The following DDIT4L variants were observed in gnomAD, a reference collection of about 807,000 sequenced individuals.
The protein encoded by DDIT4L is DNA damage inducible transcript 4 like.
A neutral mutation model predicts 15.9 loss-of-function variants in DDIT4L; 13 were observed. The observed-to-expected ratio is 0.82, with a 90% confidence interval of 0.53 to 1.30. DDIT4L has a LOEUF of 1.30. Ranked by LOEUF, DDIT4L falls within the 50% of genes most tolerant of loss-of-function variation. The pLI is 0.00. For synonymous variants in DDIT4L, 82 were observed against 85.4 expected, an observed-to-expected ratio of 0.96 and a Z score of 0.22; for missense variants, 235 against 224.8, an observed-to-expected ratio of 1.05 and a Z score of -0.29.
Position 100,188,102 on chromosome 4 carries a change from T to G in DDIT4L, c.157A>C (p.Thr53Pro). 6.2e-7 allele frequency: 1 copy of G among 1,614,010 alleles called. No homozygotes were observed. The highest frequency in any genetic ancestry group is 8.5e-7 in the Non-Finnish European group (1 of 1,180,034). ...NLNEVIFEES[T>P]CQNLVKMLEN... ...AGCATTTTAACCAAATTCTGGCAAGTTGATTCCTCAAATATTACCTCGTTG... is the reference window on the plus strand; with the variant it reads ...AGCATTTTAACCAAATTCTGGCAAGGTGATTCCTCAAATATTACCTCGTTG... Residue 53 changes from threonine (T) to proline (P), a missense_variant, in exon 3 of 3, where the codon ACT becomes CCT. Thr to Pro is a conservative substitution (Grantham distance 38, BLOSUM62 -1). Transcript: ENST00000273990.
In DDIT4L at chr4:100,189,968, T is replaced by C. The variant is rs759003165; in HGVS notation, c.16A>G (p.Ser6Gly). 6.2e-7 allele frequency: 1 copy of C among 1,614,126 alleles called. No individual in the cohort carries two copies. Among genetic ancestry groups the C allele is most frequent in the East Asian group, 2.2e-5 (1 of 44,860 alleles). The change falls in exon 2 of 3, where the codon AGT (serine) becomes GGT (glycine). Residue 6 changes from serine to glycine, a missense_variant. Ser to Gly is a moderately conservative substitution (Grantham distance 56). Transcript: ENST00000273990. MVATG[S>G]LSSKNPASIS... The stretch of plus-strand genomic sequence containing the variant: ...CTGGCCGGGTTCTTGCTGCTCAAAC[T>C]GCCAGTTGCAACCATGGTCAACGGC...
chr4:100,190,258 GC>G (rs781499322), intron 1 of DDIT4L, 44 bp downstream of exon 1: 186 of 430,412 alleles, frequency 4.3e-4, no homozygotes, highest in Non-Finnish European at 6.9e-4. Context: ...CCCGCGGAGC[GC>G]CCCCCGGCCC....
Position 100,189,774 on chromosome 4 carries a change from A to G in DDIT4L, c.91+119T>C, listed in dbSNP as rs978562233. ...AAAATTTGGAAAGGAGTCTCCTCAGATGGATTTTGTGGCACCTCCTACATA... is the reference window on the plus strand; with the variant it reads ...AAAATTTGGAAAGGAGTCTCCTCAGGTGGATTTTGTGGCACCTCCTACATA... On this transcript the variant is annotated intron_variant, in intron 2 of 2. Transcript: ENST00000273990. The G allele has an allele frequency of 4.6e-6, 4 of 860,334 alleles. No homozygotes were observed. In the Admixed American group the frequency reaches 7.9e-5, roughly 17 times the overall value. 53.3% of individuals were successfully genotyped at this position (860,334 alleles called of 1,614,324 possible).
intron 1 of DDIT4L, 124 bp from the exon 2 acceptor site, chr4:100,190,156 C>T: frequency 1.7e-6 from 1 of 605,248 alleles, no homozygotes; most frequent in East Asian, 2.9e-5. Context: ...AGGGGTGGAA[C>T]CGGCCTCTGC....
intron 2 of DDIT4L, 29 bp from the exon 3 acceptor site, chr4:100,188,196 T>C (rs767380609): frequency 1.3e-6 from 2 of 1,567,548 alleles, no homozygotes; most frequent in Admixed American, 2.1e-5. Flanking sequence ...TCTTTTTAGA[T>C]ACAGAAGAAA....
chr4:100,189,889 T>C lies in DDIT4L; in HGVS notation c.91+4A>G. 4 of 1,613,828 alleles carry C rather than the reference T, an allele frequency of 2.5e-6. No individual in the cohort carries two copies. Among genetic ancestry groups the C allele is most frequent in the Non-Finnish European group, 3.4e-6 (4 of 1,179,884 alleles). On this transcript the variant is annotated splice_donor_region_variant and intron_variant, in intron 2 of 2. Transcript: ENST00000273990. ...GGAGAAGGGTGGACAGCGGGGACACTCACCACTTAGCAGGCTCTCTGGGTG... is the reference window on the plus strand; with the variant it reads ...GGAGAAGGGTGGACAGCGGGGACACCCACCACTTAGCAGGCTCTCTGGGTG...
rs1436421776 is a variant in DDIT4L at position 100,189,998 on chromosome 4, T to C, written c.-15A>G. 2 of 1,613,378 alleles carry C rather than the reference T, an allele frequency of 1.2e-6. No individual in the cohort carries two copies. The highest frequency in any genetic ancestry group is 1.7e-6 in the Non-Finnish European group (2 of 1,179,572). ...GTTGCAACCATGGTCAACGGCTCTGTTTCCTTCGCGAGGCGCAACGGCCTT... is the reference window on the plus strand; with the variant it reads ...GTTGCAACCATGGTCAACGGCTCTGCTTCCTTCGCGAGGCGCAACGGCCTT... On this transcript the variant is annotated 5_prime_UTR_variant, in exon 2 of 3. Transcript: ENST00000273990.
rs1723426407 is a variant in DDIT4L, at chr4:100,186,807, G to A, written c.*870C>T. On this transcript the variant is annotated 3_prime_UTR_variant, in exon 3 of 3. Coordinates refer to ENST00000273990, the MANE Select transcript of DDIT4L (RefSeq NM_145244.4). ...TAAGCACATGTAATACTGAAAAGAGGATAGATTACTAAGTGAATCAGAGAG... is the reference window on the plus strand; with the variant it reads ...TAAGCACATGTAATACTGAAAAGAGAATAGATTACTAAGTGAATCAGAGAG... 1 of 152,118 alleles carries A rather than the reference G, an allele frequency of 6.6e-6. No homozygotes were observed. Among genetic ancestry groups the A allele is most frequent in the Non-Finnish European group, 1.5e-5 (1 of 68,020 alleles). 9.4% of individuals were successfully genotyped at this position (152,118 alleles called of 1,614,324 possible).
Position 100,187,868 on chromosome 4 carries a change from C to G in DDIT4L, c.391G>C (p.Val131Leu). The G allele has an allele frequency of 1.2e-6, 2 of 1,613,606 alleles. No individual in the cohort carries two copies. The highest frequency in any genetic ancestry group is 1.7e-6 in the Non-Finnish European group (2 of 1,179,922). The change falls in exon 3 of 3, where the codon GTA (valine) becomes CTA (leucine). Residue 131 changes from valine to leucine, a missense_variant. Coordinates refer to ENST00000273990, the MANE Select transcript of DDIT4L (RefSeq NM_145244.4). Reference sequence around the variant, plus strand: ...ACAAGTGTAAGCTCAAAAGTAGGTACGACGCTAGAATCACACACAATCCTA... The same window carrying G: ...ACAAGTGTAAGCTCAAAAGTAGGTAGGACGCTAGAATCACACACAATCCTA... ...LDRIVCDSSV[V>L]PTFELTLVFK...
At chr4:100,190,055 AGAC>A in intron 1 of DDIT4L, 23 bp from the exon 2 acceptor site, 1 of 1,478,960 alleles carries the variant, frequency 6.8e-7, no homozygotes, top group Non-Finnish European at 9.4e-7. Flanking sequence ...AGGCGAGAAG[AGAC>A]GGATTTGCAA....
intron 2 of DDIT4L, among the ~76,000 whole-genome samples, chr4:100,189,642 T>G (rs1326162102): frequency 6.6e-6 from 1 of 152,216 alleles, no homozygotes; most frequent in Non-Finnish European, 1.5e-5. Context: ...TCATGTAAGA[T>G]AAGGAACTTA....
chr4:100,190,101 G>T, intron 1 of DDIT4L, 69 bp from the exon 2 acceptor site: 2 of 922,468 alleles, frequency 2.2e-6, no homozygotes, highest in Non-Finnish European at 3.4e-6. Flanking sequence ...CTCCTAAAAT[G>T]CCCGGCGTCC....
At position 100,186,314 on chromosome 4, in the gene DDIT4L, A is replaced by ATT. The variant is rs1560554719; in HGVS notation, c.*1362_*1363insAA. ...CACCAGGATGAATACATCTGTCCCT[A>ATT]CGCCGGTCTCCAGCATGTGAAGTGG... On this transcript the variant is annotated 3_prime_UTR_variant, in exon 3 of 3. Transcript: ENST00000273990. 3.9e-5 allele frequency: 6 copies of ATT among 152,178 alleles called. No individual in the cohort carries two copies. Among genetic ancestry groups the ATT allele is most frequent in the Non-Finnish European group, 8.8e-5 (6 of 68,038 alleles). 9.4% of individuals were successfully genotyped at this position (152,178 alleles called of 1,614,324 possible). A position where few individuals can be genotyped will look rare whatever the true frequency, so the allele number is the denominator to read the frequency against.
chr4:100,187,743 TGAGCTGAG>T lies in DDIT4L; in HGVS notation c.508_515del (p.Leu170ArgfsTer6). 17 of 1,612,106 alleles carry T rather than the reference TGAGCTGAG, an allele frequency of 1.1e-5. No homozygotes were observed. The highest frequency in any genetic ancestry group is 1.4e-5 in the Non-Finnish European group (17 of 1,179,606). ...GTTTTTTCTTAACAAGTCGAAATCCTGAGCTGAGGATCAGAGTTCTCCTGAAACCAGAG... is the reference window on the plus strand; with the variant it reads ...GTTTTTTCTTAACAAGTCGAAATCCTGATCAGAGTTCTCCTGAAACCAGAG... On this transcript the variant is annotated frameshift_variant, in exon 3 of 3. Transcript: ENST00000273990. LOFTEE classifies it high-confidence loss of function.
chr4:100,189,838 G>A, intron 2 of DDIT4L, 55 bp downstream of exon 2: 2 of 1,561,346 alleles, frequency 1.3e-6, no homozygotes, highest in Non-Finnish European at 8.8e-7. Context: ...CCACCCAATA[G>A]ATCCAGAGGC....
intron 2 of DDIT4L, 147 bp downstream of exon 2, chr4:100,189,746 T>G (rs1723483268): frequency 3.0e-6 from 2 of 657,064 alleles, no homozygotes; most frequent in Non-Finnish European, 5.2e-6. Context: ...GAGAAGATGT[T>G]AGAAAATTTG....
In DDIT4L at chr4:100,187,196, A is replaced by G. The variant is rs1723432533; in HGVS notation, c.*481T>C. On this transcript the variant is annotated 3_prime_UTR_variant, in exon 3 of 3. Transcript: ENST00000273990. Reference sequence around the variant, plus strand: ...TACCCTCCTGTCTAAAAACCCTTCAAATTTGAGTCAGGAACTGGTGGTGTG... The same window carrying G: ...TACCCTCCTGTCTAAAAACCCTTCAGATTTGAGTCAGGAACTGGTGGTGTG... 1 of 152,480 alleles carries G rather than the reference A, an allele frequency of 6.6e-6. No homozygotes were observed. The allele number at this position is 152,480 out of a possible 1,614,324, so 9.4% of individuals were successfully genotyped here.
In DDIT4L at chr4:100,187,829, T is replaced by A; in HGVS notation, c.430A>T (p.Asn144Tyr). 6.2e-7 allele frequency: 1 copy of A among 1,613,726 alleles called. No individual in the cohort carries two copies. Among genetic ancestry groups the A allele is most frequent in the Non-Finnish European group, 8.5e-7 (1 of 1,179,942 alleles). The change falls in exon 3 of 3, where the codon AAC (asparagine) becomes TAC (tyrosine). Residue 144 changes from asparagine to tyrosine, a missense_variant. By Grantham distance (143) the Asn-to-Tyr change is moderately radical. Coordinates refer to ENST00000273990, the MANE Select transcript of DDIT4L (RefSeq NM_145244.4). Reference protein sequence around the residue: ...FELTLVFKQENCSWTSFRDFF... With the variant: ...FELTLVFKQEYCSWTSFRDFF... ...TCCCTGAAGCTAGTCCATGAGCAGT[T>A]CTCCTGCTTAAACACAAGTGTAAGC...
chr4:100,189,826 G>T, intron 2 of DDIT4L, 67 bp downstream of exon 2: 3 of 1,495,278 alleles, frequency 2.0e-6, no homozygotes, highest in Non-Finnish European at 2.8e-6. Flanking sequence ...TCGAAAGCCC[G>T]CCCACCCAAT....
Sources: gnomAD v4.1 joint callset for allele counts (sites outside exome capture counted in the v4.1 genomes callset) on GRCh38, gnomAD v4.1.1 for gene constraint, MANE v1.5 for transcripts, NCBI Gene and HGNC (gene_info 2026-07-23, HGNC 2026-07-21) for gene names.